The following KAT6B variants were observed in gnomAD, a reference collection of about 807,000 sequenced individuals.
KAT6B encodes lysine acetyltransferase 6B, also known as histone acetyltransferase KAT6B.
KAT6B carries 10 observed loss-of-function variants against 187.5 expected under a neutral mutation model. That is an observed-to-expected ratio of 0.05 (90% confidence interval 0.03 to 0.09). KAT6B has a LOEUF of 0.09. Ranked by LOEUF, KAT6B falls within the 10% of genes least tolerant of loss-of-function variation. The probability of loss-of-function intolerance (pLI) is 1.00; values close to 1 mark genes in which losing one functional copy is unlikely to be tolerated. For missense variants in KAT6B, 1,952 were observed against 2,558.9 expected, an observed-to-expected ratio of 0.76 and a Z score of 5.12; for synonymous variants, 861 against 926.8, an observed-to-expected ratio of 0.93 and a Z score of 1.29.
chr10:74,825,970 C>A (rs946508341), upstream of KAT6B, among the ~76,000 whole-genome samples: 1 of 150,684 alleles, frequency 6.6e-6, no homozygotes. This position sits in a 1 kb window ranked among gnomAD's most constrained non-coding sequence, Gnocchi z 5.0. Flanking sequence ...ACGCTCCGGG[C>A]GGCGCGCCCG....
At chr10:74,860,469 T>G (rs938120073) in intron 3 of KAT6B, among the ~76,000 whole-genome samples, 3 of 152,218 alleles carry the variant, frequency 2.0e-5, no homozygotes, top group Non-Finnish European at 2.9e-5. Context: ...TAACTGAATT[T>G]TACAGATGAA....
chr10:74,990,865 T>C (rs915072297), intron 13 of KAT6B, among the ~76,000 whole-genome samples: 1 of 152,246 alleles, frequency 6.6e-6, no homozygotes, highest in Non-Finnish European at 1.5e-5. Flanking sequence ...ATATTTAACG[T>C]CTTCCAACAT....
chr10:74,853,083 T>C (rs1842580002), intron 3 of KAT6B, among the ~76,000 whole-genome samples: 1 of 151,882 alleles, frequency 6.6e-6, no homozygotes, highest in African/African-American at 2.4e-5. Context: ...TTTATATGTT[T>C]TATCTTTGTA....
At chr10:74,909,702 C>A (rs990146447) in intron 3 of KAT6B, among the ~76,000 whole-genome samples, 1 of 152,132 alleles carries the variant, frequency 6.6e-6, no homozygotes, top group Non-Finnish European at 1.5e-5. Context: ...TAATTTAGGA[C>A]CTTCTTAAGT....
At chr10:74,880,344 A>C (rs1844757173) in intron 3 of KAT6B, among the ~76,000 whole-genome samples, 1 of 152,220 alleles carries the variant, frequency 6.6e-6, no homozygotes, top group South Asian at 2.1e-4. Context: ...TTTTTTAAAA[A>C]TCACTGGCTT....
At chr10:74,874,937 C>T (rs1844298725) in intron 3 of KAT6B, among the ~76,000 whole-genome samples, 2 of 151,912 alleles carry the variant, frequency 1.3e-5, no homozygotes, top group South Asian at 4.2e-4. Flanking sequence ...CATGTACTCC[C>T]TACCCCTACA....
chr10:75,003,687 G>A (rs1844009453), intron 13 of KAT6B, among the ~76,000 whole-genome samples: 1 of 152,028 alleles, frequency 6.6e-6, no homozygotes, highest in South Asian at 2.1e-4. Context: ...TACACTAAAA[G>A]CTTCTGCCAT....
At chr10:74,993,564 T>A (rs1426863140) in intron 13 of KAT6B, among the ~76,000 whole-genome samples, 1 of 152,180 alleles carries the variant, frequency 6.6e-6, no homozygotes, top group Non-Finnish European at 1.5e-5. Flanking sequence ...TTTATGCACA[T>A]TTGTTCAAAT....
intron 4 of KAT6B, among the ~76,000 whole-genome samples, chr10:74,960,792 C>G (rs1004126517): frequency 2.6e-5 from 4 of 152,082 alleles, no homozygotes; most frequent in Non-Finnish European, 2.9e-5. Flanking sequence ...AAGTAAACAC[C>G]CTGGCACAAG....
intron 3 of KAT6B, among the ~76,000 whole-genome samples, chr10:74,859,442 GA>G (rs1394437668): frequency 6.6e-6 from 1 of 152,076 alleles, no homozygotes; most frequent in Non-Finnish European, 1.5e-5. Flanking sequence ...GGCTGAAAAA[GA>G]AACTCATTTA....
chr10:74,851,906 T>G (rs183753081), intron 3 of KAT6B, among the ~76,000 whole-genome samples: 3 of 152,344 alleles, frequency 2.0e-5, no homozygotes, highest in African/African-American at 7.2e-5. Flanking sequence ...TTCTGTTTTC[T>G]CCATTCTGTT....
intron 3 of KAT6B, among the ~76,000 whole-genome samples, chr10:74,895,361 ATATTATTAT>A (rs10693929): frequency 6.7e-6 from 1 of 149,420 alleles, no homozygotes; most frequent in Admixed American, 6.7e-5. Flanking sequence ...CCCTTTAATC[ATATTATTAT>A]TATTATTATT....
chr10:74,879,732 T>G (rs763398059), intron 3 of KAT6B, among the ~76,000 whole-genome samples: 15 of 152,166 alleles, frequency 9.9e-5, no homozygotes, highest in Non-Finnish European at 1.8e-4. Context: ...GTTTTTTCCT[T>G]CCTTTCTAAG....
In KAT6B at chr10:75,030,256, C is replaced by T. The variant is rs777234738; in HGVS notation, c.5432C>T (p.Pro1811Leu). 20 of 1,614,102 alleles carry T rather than the reference C, an allele frequency of 1.2e-5. No individual in the cohort carries two copies. Among genetic ancestry groups the T allele is most frequent in the Non-Finnish European group, 1.6e-5 (19 of 1,180,036 alleles). The stretch of plus-strand genomic sequence containing the variant: ...TTTGGGGCTGGGCATTACCCGCAGC[C>T]GTCAGCCACCTTCAGCCTTGCCAAA... Reference protein sequence around the residue: ...SDFGAGHYPQPSATFSLAKLQ... With the variant: ...SDFGAGHYPQLSATFSLAKLQ... The change falls in exon 18 of 18, where the codon CCG becomes CTG. Residue 1811 changes from proline to leucine, a missense_variant. Pro to Leu is a moderately conservative substitution (Grantham distance 98). Around this residue, in one of 9 missense-constraint regions of KAT6B, gnomAD observed 358 missense variants for 436.3 expected, o/e 0.82. Transcript: ENST00000287239. The surrounding 1 kb of genome is among the most constrained non-coding windows in gnomAD (Gnocchi z 4.8).
chr10:74,873,768 C>A (rs1284877271), intron 3 of KAT6B, among the ~76,000 whole-genome samples: 2 of 152,290 alleles, frequency 1.3e-5, no homozygotes, highest in East Asian at 3.9e-4. Flanking sequence ...CCAATAGAAT[C>A]TTCTCCCCAA....
At chr10:74,825,869 G>T (rs1336404830), upstream of KAT6B, among the ~76,000 whole-genome samples, 3 of 150,274 alleles carry the variant, frequency 2.0e-5, no homozygotes, top group Non-Finnish European at 4.4e-5. This position sits in a 1 kb window ranked among gnomAD's most constrained non-coding sequence, Gnocchi z 5.0. Context: ...GGGGTGTGTT[G>T]GGGGGGGAAG....
intron 13 of KAT6B, among the ~76,000 whole-genome samples, chr10:74,992,053 A>G (rs1843152326): frequency 5.9e-5 from 9 of 152,224 alleles, no homozygotes; most frequent in Admixed American, 5.9e-4. Context: ...CAGGTTTTCT[A>G]AAATCTGCTC....
At chr10:74,962,318 G>A (rs146454891) in intron 4 of KAT6B, among the ~76,000 whole-genome samples, 1 of 152,246 alleles carries the variant, frequency 6.6e-6, no homozygotes, top group African/African-American at 2.4e-5. Context: ...TGACACCTTG[G>A]TAATTCTAAG....
chr10:74,932,079 G>T (rs190463216), intron 3 of KAT6B, among the ~76,000 whole-genome samples: 39 of 152,210 alleles, frequency 2.6e-4, no homozygotes, highest in African/African-American at 8.2e-4. Context: ...CCAAGGCTTG[G>T]GTCTCACATT....
Sources: allele counts gnomAD v4.1 joint callset (sites outside exome capture counted in the v4.1 genomes callset), GRCh38; gene constraint gnomAD v4.1.1; regional missense constraint gnomAD v4.1.1; non-coding constraint Gnocchi (gnomAD v3.1); transcripts MANE v1.5; gene names NCBI Gene and HGNC (gene_info 2026-07-23, HGNC 2026-07-21).